The following CDH18 variants were observed in gnomAD, a reference collection of about 807,000 sequenced individuals.
CDH18 encodes the protein cadherin 18.
In CDH18, 31 loss-of-function variants were observed where a neutral mutation model predicts 67.9. The ratio of observed to expected loss-of-function variants is 0.46; its 90% CI spans 0.34 to 0.62. The LOEUF (loss-of-function observed/expected upper bound fraction) is 0.62, where lower values mean the gene tolerates loss of function less well. CDH18 is among the 20% of genes least tolerant of loss of function. The pLI is 0.01. For synonymous variants in CDH18, 362 were observed against 347.2 expected (o/e 1.04, Z -0.48); for missense variants, 890 against 975.5 (o/e 0.91, Z 1.17).
intron 7 of CDH18, among the ~76,000 whole-genome samples, chr5:19,578,573 G>A (rs1402673317): frequency 6.6e-6 from 1 of 150,926 alleles, no homozygotes; most frequent in Non-Finnish European, 1.5e-5. Flanking sequence ...CAAAAAATCA[G>A]GTTTGAATAT....
chr5:19,718,373 T>C (rs1765600468), intron 5 of CDH18, among the ~76,000 whole-genome samples: 1 of 152,014 alleles, frequency 6.6e-6, no homozygotes, highest in African/African-American at 2.4e-5. Flanking sequence ...TACACCATTA[T>C]AAGTGACTAC....
At chr5:19,797,510 G>C (rs1300480050) in intron 3 of CDH18, among the ~76,000 whole-genome samples, 2 of 151,876 alleles carry the variant, frequency 1.3e-5, no homozygotes, top group African/African-American at 4.8e-5. Flanking sequence ...AAGTTGGTAG[G>C]ATAGAAGATC....
At chr5:19,796,923 A>T (rs1776919655) in intron 3 of CDH18, among the ~76,000 whole-genome samples, 1 of 152,012 alleles carries the variant, frequency 6.6e-6, no homozygotes, top group South Asian at 2.1e-4. Flanking sequence ...AGAATAAATT[A>T]ATTAGGACAG....
intron 1 of CDH18, among the ~76,000 whole-genome samples, chr5:20,528,619 C>T (rs1445924970): frequency 1.3e-5 from 2 of 152,060 alleles, no homozygotes; most frequent in Non-Finnish European, 2.9e-5. Context: ...CACACAACTA[C>T]ATGGAAATTG....
chr5:20,284,443 T>G (rs898706624), intron 1 of CDH18, among the ~76,000 whole-genome samples: 9 of 151,986 alleles, frequency 5.9e-5, no homozygotes, highest in African/African-American at 1.7e-4. Flanking sequence ...TTATACAGTT[T>G]TTCTAACAAA....
intron 11 of CDH18, among the ~76,000 whole-genome samples, chr5:19,502,137 T>C (rs1743351948): frequency 6.6e-6 from 1 of 152,190 alleles, no homozygotes; most frequent in South Asian, 2.1e-4. Flanking sequence ...TTTGAAAATC[T>C]TCTCCCGGAA....
At chr5:20,027,926 A>G (rs1413288016) in intron 2 of CDH18, among the ~76,000 whole-genome samples, 4 of 152,220 alleles carry the variant, frequency 2.6e-5, no homozygotes, top group Non-Finnish European at 5.9e-5. Context: ...TATCAAAAAT[A>G]TGAGACGACT....
intron 2 of CDH18, among the ~76,000 whole-genome samples, chr5:20,019,087 G>A (rs538039125): frequency 4.9e-5 from 7 of 142,368 alleles, no homozygotes; most frequent in South Asian, 4.7e-4. Flanking sequence ...GTGAGCCACC[G>A]CGCCCGGCCT....
chr5:19,984,121 A>G (rs1363117774), intron 1 of CDH18, among the ~76,000 whole-genome samples: 1 of 152,120 alleles, frequency 6.6e-6, no homozygotes. Flanking sequence ...TACATATAAT[A>G]TTATGAAATT....
At chr5:19,980,945 T>C (rs1205329489) in intron 2 of CDH18, 115 bp downstream of exon 2, 1 of 152,098 alleles carries the variant, frequency 6.6e-6, no homozygotes, top group Non-Finnish European at 1.5e-5. Flanking sequence ...CTCTTATTGT[T>C]TAGGATACAA....
intron 2 of CDH18, among the ~76,000 whole-genome samples, chr5:20,211,583 C>T (rs562904065): frequency 6.6e-6 from 1 of 152,284 alleles, no homozygotes; most frequent in South Asian, 2.1e-4. Context: ...TGCTGTTCTG[C>T]AATATTTGCT....
intron 12 of CDH18, among the ~76,000 whole-genome samples, chr5:19,480,046 T>C (rs985020044): frequency 6.6e-6 from 1 of 152,150 alleles, no homozygotes; most frequent in Non-Finnish European, 1.5e-5. Context: ...ATTTTTGATA[T>C]TTATCTTAGT....
intron 4 of CDH18, among the ~76,000 whole-genome samples, chr5:19,724,009 C>T (rs1766473591): frequency 6.6e-6 from 1 of 152,132 alleles, no homozygotes; most frequent in South Asian, 2.1e-4. Context: ...CGCGCCCAGC[C>T]ATAGCATTTT....
chr5:20,330,280 T>C (rs552915293), intron 1 of CDH18, among the ~76,000 whole-genome samples: 2 of 152,238 alleles, frequency 1.3e-5, no homozygotes, highest in South Asian at 4.1e-4. Flanking sequence ...TGCTATATAA[T>C]AGGATGATTG....
At chr5:20,210,178 A>C (rs1453028346) in intron 2 of CDH18, among the ~76,000 whole-genome samples, 1 of 151,806 alleles carries the variant, frequency 6.6e-6, no homozygotes, top group African/African-American at 2.4e-5. Flanking sequence ...CAGAACCTAC[A>C]AGAACGCCAT....
In CDH18 at chr5:19,702,150, T is replaced by C. The variant is rs868093804; in HGVS notation, c.643+19197A>G. On this transcript the variant is annotated intron_variant, in intron 5 of 12. Transcript: ENST00000382275. ...GTGTTCTTTCTTTCTTTCTCTCTCT[T>C]TTTTTTTTTTTTTTTTGAGATGGAG... Among the ~76,000 whole-genome samples the C allele has an allele frequency of 7.5e-4, 106 of 141,182 alleles. 1 individual carries two copies. Among genetic ancestry groups the C allele is most frequent in the African/African-American group, 2.7e-3 (100 of 37,152 alleles). The allele number at this position is 141,182 out of a possible 152,430, so 92.6% of individuals were successfully genotyped here.
At chr5:20,121,146 G>A (rs1748323024) in intron 2 of CDH18, among the ~76,000 whole-genome samples, 2 of 152,154 alleles carry the variant, frequency 1.3e-5, no homozygotes. Flanking sequence ...AGCGCACAGT[G>A]TATACAAGAA....
At chr5:19,642,851 G>T (rs904463585) in intron 5 of CDH18, among the ~76,000 whole-genome samples, 1 of 151,982 alleles carries the variant, frequency 6.6e-6, no homozygotes, top group Non-Finnish European at 1.5e-5. Flanking sequence ...ACAATTTGCT[G>T]CAAATAAAAC....
At position 19,829,976 on chromosome 5, in the gene CDH18, G is replaced by A. The variant is rs193057692; in HGVS notation, c.228+8783C>T. Reference sequence around the variant, plus strand: ...ATTCAATAAATAATGCTAGGATAACGGTATAGCCATATGAAGAAGGTTGAA... The same window carrying A: ...ATTCAATAAATAATGCTAGGATAACAGTATAGCCATATGAAGAAGGTTGAA... On this transcript the variant is annotated intron_variant, in intron 3 of 12. Coordinates refer to ENST00000382275, the MANE Select transcript of CDH18 (RefSeq NM_004934.5). Among the ~76,000 whole-genome samples the A allele has an allele frequency of 1.5e-3, 224 of 152,114 alleles. 2 individuals are homozygous for A. The highest frequency in any genetic ancestry group is 1.7e-3 in the Non-Finnish European group (114 of 67,954).
Sources: allele counts gnomAD v4.1 joint callset (sites outside exome capture counted in the v4.1 genomes callset), GRCh38; gene constraint gnomAD v4.1.1; transcripts MANE v1.5; gene names NCBI Gene and HGNC (gene_info 2026-07-23, HGNC 2026-07-21).